The following CERS4 variants were observed in gnomAD, a reference collection of about 807,000 sequenced individuals.
CERS4 encodes ceramide synthase 4, also known as LAG1 homolog, ceramide synthase 4.
In CERS4, 65 loss-of-function variants were observed where a neutral mutation model predicts 51.8. The observed-to-expected ratio is 1.26, with a 90% CI of 1.03 to 1.54. The LOEUF is 1.54. CERS4 is among the 40% of genes most tolerant of loss of function. The pLI is 0.00. For missense variants in CERS4, 563 were observed against 500.4 expected, an observed-to-expected ratio of 1.13 and a Z score of -1.19; for synonymous variants, 228 against 208.4, an observed-to-expected ratio of 1.09 and a Z score of -0.81.
intron 2 of CERS4, among the ~76,000 whole-genome samples, chr19:8,219,403 A>C (rs749539372): frequency 6.6e-6 from 1 of 151,720 alleles, no homozygotes; most frequent in Non-Finnish European, 1.5e-5. Flanking sequence ...GGTGGCTTGC[A>C]CCTGTCATCC....
intron 2 of CERS4, chr19:8,238,695 C>A: frequency 1.6e-6 from 1 of 638,684 alleles, no homozygotes; most frequent in Non-Finnish European, 1.9e-6. Flanking sequence ...GAGGTGGTTG[C>A]CAGGGAATGG....
In CERS4 at chr19:8,261,977, G is replaced by C. The variant is rs970090617; in HGVS notation, c.1053G>C (p.Glu351Asp). 6.9e-6 allele frequency: 11 copies of C among 1,601,742 alleles called. No individual in the cohort carries two copies. In the African/African-American group the frequency reaches 1.2e-4, roughly 18 times the overall value. ...ATGTAGAAGAATCAGACTCCAGTGA[G>C]GAGGCGGCGGCGGCCCAGGAACCTC... ...RSDVEESDSS[E>D]EAAAAQEPLQ... Residue 351 changes from glutamate to aspartate, a missense_variant, in exon 12 of 12, where the codon GAG (glutamate) becomes GAC (aspartate). By Grantham distance (45) the Glu-to-Asp change is conservative. Transcript: ENST00000251363.
chr19:8,227,029 G>A (rs1022994319), intron 2 of CERS4, among the ~76,000 whole-genome samples: 1 of 152,160 alleles, frequency 6.6e-6, no homozygotes, highest in Non-Finnish European at 1.5e-5. Flanking sequence ...TTGGGATGCT[G>A]AGGCAGGAGA....
chr19:8,238,767 G>A lies in CERS4; in HGVS notation c.-1-12309G>A, dbSNP rs564640491. ...ACCCAGGGGACATGGCCCAGCTTAC[G>A]GAGGCTCCTGAGCTTCCAGGGGCAT... On this transcript the variant is annotated intron_variant, in intron 2 of 11. Coordinates refer to ENST00000251363, the MANE Select transcript of CERS4 (RefSeq NM_024552.3). 1.8e-4 allele frequency among the ~76,000 whole-genome samples: 28 copies of A among 152,204 alleles called. 1 individual carries two copies. The highest frequency in any genetic ancestry group is 7.8e-4 in the Admixed American group (12 of 15,288).
chr19:8,253,070 T>C (rs1192343479), intron 3 of CERS4, among the ~76,000 whole-genome samples: 2 of 152,232 alleles, frequency 1.3e-5, no homozygotes, highest in Non-Finnish European at 2.9e-5. Context: ...TATTCTGCAA[T>C]GAGTTCCTTG....
In CERS4 at chr19:8,262,338, G is replaced by A. The variant is rs1470641669; in HGVS notation, c.*229G>A. ...AGCCAGCAGCTGGATGCTGTGGCTG[G>A]CCAGAGACACCTCCAGGCTGTGGCC... On this transcript the variant is annotated 3_prime_UTR_variant, in exon 12 of 12. Coordinates refer to ENST00000251363, the MANE Select transcript of CERS4 (RefSeq NM_024552.3). The A allele has an allele frequency of 5.8e-5, 24 of 416,014 alleles. No homozygotes were observed. Among genetic ancestry groups the A allele is most frequent in the Middle Eastern group, 1.2e-3 (2 of 1,644 alleles). 25.8% of individuals were successfully genotyped at this position (416,014 alleles called of 1,614,324 possible).
chr19:8,229,592 A>G (rs1008032911), intron 2 of CERS4, among the ~76,000 whole-genome samples: 7 of 151,954 alleles, frequency 4.6e-5, no homozygotes, highest in Non-Finnish European at 8.8e-5. Flanking sequence ...TATTTTTAGT[A>G]GAGACAGGGT....
In CERS4 at chr19:8,261,732, CCTT is replaced by C; in HGVS notation, c.898_900del (p.Phe300del). On this transcript the variant is annotated inframe_deletion, in exon 11 of 12. Transcript: ENST00000251363. The stretch of plus-strand genomic sequence containing the variant: ...TACGAGTCCATCAGCAACAGGGGCC[CCTT>C]CTTCGGCTACTACTTCTTCAACGGG... 1 of 1,614,158 alleles carries C rather than the reference CCTT, an allele frequency of 6.2e-7. No homozygotes were observed. Among genetic ancestry groups the C allele is most frequent in the Non-Finnish European group, 8.5e-7 (1 of 1,180,018 alleles).
intron 10 of CERS4, among the ~76,000 whole-genome samples, chr19:8,259,178 T>A (rs1222421294): frequency 6.7e-6 from 1 of 150,156 alleles, no homozygotes; most frequent in Non-Finnish European, 1.5e-5. Flanking sequence ...ATGGGAGAGG[T>A]GGGTAGTTGG....
intron 2 of CERS4, among the ~76,000 whole-genome samples, chr19:8,214,780 G>A (rs1008726683): frequency 6.6e-6 from 1 of 152,030 alleles, no homozygotes; most frequent in Non-Finnish European, 1.5e-5. Flanking sequence ...CTACGCAGTG[G>A]CCAAGACTTC....
chr19:8,242,499 T>C (rs1948316963), intron 2 of CERS4, among the ~76,000 whole-genome samples: 1 of 152,130 alleles, frequency 6.6e-6, no homozygotes, highest in Admixed American at 6.6e-5. Flanking sequence ...GCAAAAACAC[T>C]GGCCAGCTCC....
intron 10 of CERS4, 101 bp from the exon 11 acceptor site, chr19:8,261,587 T>G (rs986677315): frequency 5.8e-5 from 78 of 1,355,616 alleles, no homozygotes; most frequent in Non-Finnish European, 7.7e-5. Context: ...GAGCCATAGG[T>G]GGTTATGGAG....
At chr19:8,221,285 C>T (rs1259851818) in intron 2 of CERS4, among the ~76,000 whole-genome samples, 1 of 152,098 alleles carries the variant, frequency 6.6e-6, no homozygotes, top group Non-Finnish European at 1.5e-5. Flanking sequence ...CTGTGTCCTT[C>T]AAGGCATGGT....
At position 8,262,106 on chromosome 19, in the gene CERS4, A is replaced by G; in HGVS notation, c.1182A>G (p.Thr394=). 1 of 1,478,354 alleles carries G rather than the reference A, an allele frequency of 6.8e-7. No homozygotes were observed. Among genetic ancestry groups the G allele is most frequent in the South Asian group, 1.4e-5 (1 of 71,456 alleles). The allele number at this position is 1,478,354 out of a possible 1,614,324, so 91.6% of individuals were successfully genotyped here. A position where few individuals can be genotyped will look rare whatever the true frequency, so the allele number is the denominator to read the frequency against. The change falls in exon 12 of 12, where the codon ACA becomes ACG. Residue 394 remains threonine (T), a synonymous_variant. Transcript: ENST00000251363. ...TGACCAACAGGCACACAACAGCCAC[A>G]TAGCCGGGCGGGGCTGGCTGTAAGG... is the stretch of plus-strand genomic sequence containing the variant. ...GRLTNRHTTA[T]
At chr19:8,253,465 T>C (rs1247237183) in intron 3 of CERS4, among the ~76,000 whole-genome samples, 1 of 148,566 alleles carries the variant, frequency 6.7e-6, no homozygotes, top group East Asian at 2.0e-4. Flanking sequence ...TTTTTTTTTT[T>C]TTTTTTGGGG....
intron 2 of CERS4, among the ~76,000 whole-genome samples, chr19:8,223,028 A>G (rs187262188): frequency 2.3e-3 from 354 of 152,222 alleles, no homozygotes; most frequent in Middle Eastern, 0.01. Context: ...AATCACCAGG[A>G]TATGGGGGAA....
chr19:8,261,633 T>C, intron 10 of CERS4, 55 bp from the exon 11 acceptor site: 1 of 1,603,784 alleles, frequency 6.2e-7, no homozygotes, highest in East Asian at 2.2e-5. Flanking sequence ...TTCTTAGGAC[T>C]GGGGGCTACA....
chr19:8,256,131 AG>A (rs1969367541), intron 6 of CERS4, 104 bp from the exon 7 acceptor site: 7 of 1,241,306 alleles, frequency 5.6e-6, no homozygotes, highest in Non-Finnish European at 8.0e-6. Flanking sequence ...GGCTGGGTGA[AG>A]GTAGCATCTA....
chr19:8,215,410 C>T (rs1252793982), intron 2 of CERS4, among the ~76,000 whole-genome samples: 3 of 150,636 alleles, frequency 2.0e-5, no homozygotes, highest in African/African-American at 4.9e-5. Flanking sequence ...ACCAGGGGGG[C>T]GGAGGTTGCA....
Sources: allele counts gnomAD v4.1 joint callset (sites outside exome capture counted in the v4.1 genomes callset), GRCh38; gene constraint gnomAD v4.1.1; transcripts MANE v1.5; gene names NCBI Gene and HGNC (gene_info 2026-07-23, HGNC 2026-07-21).